The following MMS22L variants were observed in gnomAD, a reference collection of about 807,000 sequenced individuals.
MMS22L encodes MMS22 like, DNA repair protein.
MMS22L carries 74 observed loss-of-function variants against 159.1 expected under a neutral mutation model. The ratio of observed to expected loss-of-function variants is 0.47; its 90% CI spans 0.39 to 0.56. The LOEUF (loss-of-function observed/expected upper bound fraction) is 0.56, where lower values mean the gene tolerates loss of function less well. MMS22L is among the 20% of genes least tolerant of loss of function. MMS22L has a pLI of 0.00. For synonymous variants in MMS22L, 517 were observed against 506.9 expected (o/e 1.02, Z -0.27); for missense variants, 1,351 against 1,422.1 (o/e 0.95, Z 0.80).
intron 10 of MMS22L, among the ~76,000 whole-genome samples, chr6:97,248,758 T>C (rs182831359): frequency 2.2e-4 from 34 of 151,568 alleles, no homozygotes; most frequent in African/African-American, 7.0e-4. Flanking sequence ...ACTAGGGAGG[T>C]TGAGGCAGGA....
At chr6:97,174,214 C>T (rs1412015504) in intron 18 of MMS22L, among the ~76,000 whole-genome samples, 3 of 148,210 alleles carry the variant, frequency 2.0e-5, no homozygotes, top group Admixed American at 6.8e-5. Context: ...GATCGCACCA[C>T]TGTACTCCAG....
intron 9 of MMS22L, chr6:97,259,837 T>C (rs925164543): frequency 3.9e-5 from 6 of 152,198 alleles, no homozygotes; most frequent in African/African-American, 1.2e-4. Context: ...GTTTCTACTA[T>C]ACTATTATAA....
chr6:97,254,767 A>AC, intron 9 of MMS22L, 34 bp from the exon 10 acceptor site: 1 of 1,510,624 alleles, frequency 6.6e-7, no homozygotes, highest in South Asian at 1.3e-5. Context: ...TTCCATTAAG[A>AC]CAGTTTCAAT....
intron 9 of MMS22L, among the ~76,000 whole-genome samples, chr6:97,258,304 C>T (rs1025721451): frequency 6.6e-6 from 1 of 152,156 alleles, no homozygotes; most frequent in Non-Finnish European, 1.5e-5. Flanking sequence ...TGAGCACTTC[C>T]TTAGTTTCTG....
chr6:97,163,688 A>T (rs1288864074), intron 21 of MMS22L, among the ~76,000 whole-genome samples: 1 of 152,082 alleles, frequency 6.6e-6, no homozygotes, highest in East Asian at 1.9e-4. Context: ...AACTATCATA[A>T]TTCTGCAAAT....
At chr6:97,228,145 T>A (rs1000153795) in intron 14 of MMS22L, among the ~76,000 whole-genome samples, 1 of 152,130 alleles carries the variant, frequency 6.6e-6, no homozygotes, top group Non-Finnish European at 1.5e-5. Flanking sequence ...TTACAAATGC[T>A]TCAGTAAAAG....
At chr6:97,162,856 A>G (rs752335291) in intron 21 of MMS22L, among the ~76,000 whole-genome samples, 10 of 152,158 alleles carry the variant, frequency 6.6e-5, no homozygotes, top group African/African-American at 2.4e-4. Flanking sequence ...TACATTTATT[A>G]AGTGAATAAA....
Position 97,173,103 on chromosome 6 carries a change from T to G in MMS22L, c.2799A>C (p.Lys933Asn), listed in dbSNP as rs371887362. Residue 933 changes from lysine to asparagine, a missense_variant, in exon 19 of 25, where the codon AAA becomes AAC. Lys to Asn is a moderately conservative substitution (Grantham distance 94, BLOSUM62 0). Transcript: ENST00000683635. ...TCAGCTGCAGCCCTGCACTGAAAAC[T>G]TTTTTTCCCAAATAAGGCTTAATAT... ...LKYIKPYLGK[K>N]VFSAGLQLTY... 2 of 1,612,158 alleles carry G rather than the reference T, an allele frequency of 1.2e-6. No individual in the cohort carries two copies. Among genetic ancestry groups the G allele is most frequent in the African/African-American group, 1.3e-5 (1 of 74,900 alleles).
chr6:97,246,759 T>C (rs1316542257), intron 10 of MMS22L, 69 bp from the exon 11 acceptor site: 4 of 1,102,286 alleles, frequency 3.6e-6, no homozygotes, highest in Middle Eastern at 2.0e-4. Context: ...AATTAGGGTA[T>C]AGCAAATTAA....
chr6:97,196,264 T>G (rs1806490733), intron 14 of MMS22L, among the ~76,000 whole-genome samples: 1 of 152,148 alleles, frequency 6.6e-6, no homozygotes, highest in Non-Finnish European at 1.5e-5. Flanking sequence ...CAAAGAAGAC[T>G]TCCTGGAGAA....
chr6:97,156,123 T>C (rs1488035259), intron 22 of MMS22L, among the ~76,000 whole-genome samples: 4 of 152,250 alleles, frequency 2.6e-5, no homozygotes, highest in Non-Finnish European at 5.9e-5. Context: ...GCTGCATAAA[T>C]GTCTTCTTTT....
At chr6:97,236,323 CA>C (rs58792910) in intron 11 of MMS22L, among the ~76,000 whole-genome samples, 50,345 of 94,404 alleles carry the variant, frequency 0.53, 9,975 homozygotes, top group Middle Eastern at 0.6. Context: ...ACTCTTTCTC[CA>C]AAAAAAAAAA....
Position 97,245,850 on chromosome 6 carries a change from GAC to G in MMS22L, c.1182+776_1182+777del, listed in dbSNP as rs56380746. 5.7e-3 allele frequency: 667 copies of G among 116,412 alleles called. 6 individuals carry two copies. Among genetic ancestry groups the G allele is most frequent in the African/African-American group, 0.017 (560 of 32,180 alleles). 7.2% of individuals were successfully genotyped at this position (116,412 alleles called of 1,614,324 possible). A position where few individuals can be genotyped will look rare whatever the true frequency, so the allele number is the denominator to read the frequency against. ...TTTTTCCAAAGACATAGCTACTACA[GAC>G]ACACACACACACACACACACACACA... On this transcript the variant is annotated intron_variant, in intron 11 of 24. Coordinates refer to ENST00000683635, the MANE Select transcript of MMS22L (RefSeq NM_001350599.2).
At chr6:97,190,673 T>C (rs1460821077) in intron 14 of MMS22L, among the ~76,000 whole-genome samples, 1 of 152,180 alleles carries the variant, frequency 6.6e-6, no homozygotes, top group Non-Finnish European at 1.5e-5. Flanking sequence ...ATAATTATTA[T>C]TCAAATCTTA....
chr6:97,174,842 C>T (rs544418837), intron 18 of MMS22L, among the ~76,000 whole-genome samples: 1 of 152,268 alleles, frequency 6.6e-6, no homozygotes, highest in South Asian at 2.1e-4. Context: ...TAAAGTTGGA[C>T]ATGCTGACAA....
intron 14 of MMS22L, among the ~76,000 whole-genome samples, chr6:97,224,592 A>G (rs1310640313): frequency 6.6e-6 from 1 of 151,808 alleles, no homozygotes; most frequent in Non-Finnish European, 1.5e-5. Flanking sequence ...AAATAAAAAG[A>G]AAGTAATCAA....
intron 18 of MMS22L, among the ~76,000 whole-genome samples, chr6:97,173,747 G>GA (rs564317371): frequency 3.6e-4 from 54 of 150,390 alleles, no homozygotes; most frequent in East Asian, 1.7e-3. Context: ...TAACTTCTTG[G>GA]AAAAAAAAAG....
chr6:97,159,144 T>TG (rs60620973), intron 22 of MMS22L, among the ~76,000 whole-genome samples: 3 of 151,522 alleles, frequency 2.0e-5, no homozygotes, highest in Admixed American at 2.0e-4. Context: ...TTTTTTTTTT[T>TG]GCTTTCCATT....
chr6:97,162,349 G>A (rs1015426396), intron 21 of MMS22L, among the ~76,000 whole-genome samples, 184 bp from the exon 22 acceptor site: 2 of 151,972 alleles, frequency 1.3e-5, no homozygotes, highest in African/African-American at 2.4e-5. Flanking sequence ...ATGACTGACT[G>A]TATATCTTTC....
Sources: allele counts gnomAD v4.1 joint callset (sites outside exome capture counted in the v4.1 genomes callset), GRCh38; gene constraint gnomAD v4.1.1; transcripts MANE v1.5; gene names NCBI Gene and HGNC (gene_info 2026-07-23, HGNC 2026-07-21).